The following ST6GALNAC5 variants were observed in gnomAD, a reference collection of about 807,000 sequenced individuals.
ST6GALNAC5 encodes alpha-N-acetylgalactosaminide alpha-2,6-sialyltransferase 5.
Under a neutral mutation model 33.6 loss-of-function variants are expected in ST6GALNAC5, and 27 were observed. That is an observed-to-expected ratio of 0.80 (90% CI 0.59 to 1.11). ST6GALNAC5 has a LOEUF of 1.11. ST6GALNAC5 is among the 50% of genes least tolerant of loss of function. The pLI is 0.00. For missense variants in ST6GALNAC5, 428 were observed against 454.0 expected (o/e 0.94, Z 0.52); for synonymous variants, 194 against 171.2 (o/e 1.13, Z -1.04).
At chr1:76,875,336 T>C (rs1326578916) in intron 2 of ST6GALNAC5, among the ~76,000 whole-genome samples, 2 of 152,166 alleles carry the variant, frequency 1.3e-5, no homozygotes, top group African/African-American at 4.8e-5. Flanking sequence ...TAATTTCCCA[T>C]TGACTTTAAT....
intron 2 of ST6GALNAC5, among the ~76,000 whole-genome samples, chr1:77,007,457 T>C (rs942947565): frequency 6.6e-6 from 1 of 152,236 alleles, no homozygotes; most frequent in Non-Finnish European, 1.5e-5. Context: ...CAAGTTCCTC[T>C]TCTCCAGGGA....
intron 2 of ST6GALNAC5, among the ~76,000 whole-genome samples, chr1:76,894,934 G>A (rs530755706): frequency 1.3e-5 from 2 of 152,210 alleles, no homozygotes; most frequent in East Asian, 1.9e-4. Flanking sequence ...TAAGGATGGG[G>A]CCATTTTATA....
At chr1:76,937,105 G>A (rs1163681237) in intron 2 of ST6GALNAC5, among the ~76,000 whole-genome samples, 1 of 151,770 alleles carries the variant, frequency 6.6e-6, no homozygotes, top group Non-Finnish European at 1.5e-5. Flanking sequence ...GAGTGGTATG[G>A]GTGATAGAAT....
rs117891175 is a variant in ST6GALNAC5, at chr1:77,053,509, T to C, written c.779+3144T>C. On this transcript the variant is annotated intron_variant, in intron 4 of 4. Coordinates refer to ENST00000477717, the MANE Select transcript of ST6GALNAC5 (RefSeq NM_030965.3). ...TCCGTAGTGCTATAGTAAAGGGTGT[T>C]GTATATGGATAAAAATAGCCATTTC... Among the ~76,000 whole-genome samples the C allele has an allele frequency of 1.6e-4, 25 of 152,270 alleles. No homozygotes were observed. In the East Asian group the frequency reaches 3.3e-3, roughly 20 times the overall value.
At chr1:76,969,903 C>T (rs1363092148) in intron 2 of ST6GALNAC5, among the ~76,000 whole-genome samples, 2 of 152,084 alleles carry the variant, frequency 1.3e-5, no homozygotes, top group African/African-American at 2.4e-5. Flanking sequence ...AATACCTAGG[C>T]AAACAGGGTC....
Position 76,969,499 on chromosome 1 carries a change from T to C in ST6GALNAC5, c.262-74705T>C, listed in dbSNP as rs1050075241. Among the ~76,000 whole-genome samples, 87 of 152,148 alleles carry C rather than the reference T, an allele frequency of 5.7e-4. 1 individual carries two copies. Among genetic ancestry groups the C allele is most frequent in the African/African-American group, 1.9e-3 (79 of 41,432 alleles). ...GAGGGGCATCTGCCATTACTGAGCC[T>C]TCAGTAGGTAAACAAAGCAGCCTGG... On this transcript the variant is annotated intron_variant, in intron 2 of 4. Coordinates refer to ENST00000477717, the MANE Select transcript of ST6GALNAC5 (RefSeq NM_030965.3).
intron 2 of ST6GALNAC5, among the ~76,000 whole-genome samples, chr1:76,955,724 T>G (rs1231450409): frequency 2.6e-5 from 4 of 152,204 alleles, no homozygotes; most frequent in Non-Finnish European, 5.9e-5. Context: ...GTCCTTTTGA[T>G]TTTGCATATT....
chr1:76,880,840 T>G (rs2100922103), intron 2 of ST6GALNAC5, among the ~76,000 whole-genome samples: 1 of 152,340 alleles, frequency 6.6e-6, no homozygotes, highest in South Asian at 2.1e-4. Context: ...TGAATGTGGA[T>G]ATAATTGTGT....
chr1:77,033,244 G>A (rs1651525954), intron 2 of ST6GALNAC5, among the ~76,000 whole-genome samples: 1 of 152,214 alleles, frequency 6.6e-6, no homozygotes, highest in African/African-American at 2.4e-5. Flanking sequence ...ACTGCTTGCT[G>A]AGAAAGTGAG....
At chr1:76,889,243 T>C (rs774585424) in intron 2 of ST6GALNAC5, among the ~76,000 whole-genome samples, 7 of 152,160 alleles carry the variant, frequency 4.6e-5, no homozygotes, top group Admixed American at 2.0e-4. Flanking sequence ...TGCAGTATTT[T>C]AGTCTTCTTC....
chr1:76,935,760 GC>G (rs1647195628), intron 2 of ST6GALNAC5, among the ~76,000 whole-genome samples: 1 of 151,966 alleles, frequency 6.6e-6, no homozygotes, highest in East Asian at 1.9e-4. Flanking sequence ...AAAACCTATA[GC>G]AATGTGGTAA....
chr1:76,883,343 C>T (rs1028554472), intron 2 of ST6GALNAC5, among the ~76,000 whole-genome samples: 3 of 152,132 alleles, frequency 2.0e-5, no homozygotes, highest in Non-Finnish European at 4.4e-5. Flanking sequence ...ATCTTGGTAT[C>T]CACAGAATTG....
chr1:76,980,701 T>C (rs751421035), intron 2 of ST6GALNAC5, among the ~76,000 whole-genome samples: 1 of 152,110 alleles, frequency 6.6e-6, no homozygotes, highest in Admixed American at 6.5e-5. Context: ...ACCTTTCCAC[T>C]CCATACACAA....
chr1:76,931,326 G>A (rs575899277), intron 2 of ST6GALNAC5, among the ~76,000 whole-genome samples: 4 of 152,186 alleles, frequency 2.6e-5, no homozygotes, highest in African/African-American at 9.6e-5. Context: ...AGAGGACTAG[G>A]TATAGTAGTG....
At chr1:77,012,865 G>A (rs1269571044) in intron 2 of ST6GALNAC5, among the ~76,000 whole-genome samples, 1 of 152,190 alleles carries the variant, frequency 6.6e-6, no homozygotes, top group Non-Finnish European at 1.5e-5. Context: ...GGTGGAGACA[G>A]ACAGCAAAAC....
At chr1:76,952,901 C>A (rs2100339769) in intron 2 of ST6GALNAC5, among the ~76,000 whole-genome samples, 1 of 152,202 alleles carries the variant, frequency 6.6e-6, no homozygotes, top group South Asian at 2.1e-4. Flanking sequence ...TGTTCTCCAT[C>A]TCCATAGTTT....
chr1:76,932,478 AGTAT>A (rs1647153772), intron 2 of ST6GALNAC5, among the ~76,000 whole-genome samples: 1 of 152,098 alleles, frequency 6.6e-6, no homozygotes, highest in South Asian at 2.1e-4. Flanking sequence ...GCTTTAGGTA[AGTAT>A]GTAAGTAGGT....
intron 2 of ST6GALNAC5, among the ~76,000 whole-genome samples, chr1:76,880,922 C>A (rs563572018): frequency 6.6e-6 from 1 of 152,118 alleles, no homozygotes; most frequent in Non-Finnish European, 1.5e-5. Context: ...AGAGAATTTC[C>A]GTAACCTGTA....
chr1:76,960,950 C>G lies in ST6GALNAC5; in HGVS notation c.262-83254C>G, dbSNP rs529503050. 5.1e-4 allele frequency among the ~76,000 whole-genome samples: 77 copies of G among 152,244 alleles called. No individual in the cohort carries two copies. In the South Asian group the frequency reaches 0.013, roughly 26 times the overall value. On this transcript the variant is annotated intron_variant, in intron 2 of 4. Transcript: ENST00000477717. ...GGGTCCTGAGGCGACATACATCCCCCTCATCTTACGAAGATGATGGGATTA... is the reference window on the plus strand; with the variant it reads ...GGGTCCTGAGGCGACATACATCCCCGTCATCTTACGAAGATGATGGGATTA...
Sources: allele counts gnomAD v4.1 joint callset (sites outside exome capture counted in the v4.1 genomes callset), GRCh38; gene constraint gnomAD v4.1.1; transcripts MANE v1.5; gene names NCBI Gene and HGNC (gene_info 2026-07-23, HGNC 2026-07-21).